The following ADAMTSL3 variants were observed in gnomAD, a reference collection of about 807,000 sequenced individuals.
ADAMTSL3 encodes the protein ADAMTS like 3.
In ADAMTSL3, 128 loss-of-function variants were observed where a neutral mutation model predicts 201.7. The observed-to-expected ratio is 0.63, with a 90% CI of 0.55 to 0.73. The LOEUF (loss-of-function observed/expected upper bound fraction) is 0.73. Ranked by LOEUF, ADAMTSL3 falls within the 30% of genes least tolerant of loss-of-function variation. ADAMTSL3 has a pLI of 0.00. For missense variants in ADAMTSL3, 1,990 were observed against 2,119.6 expected, an observed-to-expected ratio of 0.94 and a Z score of 1.20; for synonymous variants, 738 against 748.4, an observed-to-expected ratio of 0.99 and a Z score of 0.23.
intron 3 of ADAMTSL3, among the ~76,000 whole-genome samples, chr15:83,730,220 C>A (rs1045066473): frequency 6.6e-6 from 1 of 152,058 alleles, no homozygotes; most frequent in African/African-American, 2.4e-5. Flanking sequence ...AAATTAAAAA[C>A]CTGATGCTTA....
intron 3 of ADAMTSL3, among the ~76,000 whole-genome samples, chr15:83,749,724 T>C (rs1392289279): frequency 6.6e-6 from 1 of 152,146 alleles, no homozygotes; most frequent in Non-Finnish European, 1.5e-5. Context: ...TGAATAGTAG[T>C]GGCAGGAGGT....
intron 3 of ADAMTSL3, chr15:83,739,851 T>A: frequency 1.7e-6 from 1 of 601,794 alleles, no homozygotes; most frequent in Admixed American, 1.9e-5. Flanking sequence ...TGCTGGGAGT[T>A]CTACTGCCTG....
intron 19 of ADAMTSL3, among the ~76,000 whole-genome samples, chr15:83,965,962 A>G (rs538101568): frequency 3.9e-5 from 6 of 152,342 alleles, no homozygotes; most frequent in Admixed American, 3.9e-4. Context: ...TAAGGCAGAA[A>G]TAAATACGTT....
At position 83,913,194 on chromosome 15, in the gene ADAMTSL3, G is replaced by C; in HGVS notation, c.1803G>C (p.Glu601Asp). 1.2e-6 allele frequency: 2 copies of C among 1,614,188 alleles called. No homozygotes were observed. The highest frequency in any genetic ancestry group is 2.2e-5 in the South Asian group (2 of 91,076). The change falls in exon 16 of 30, where the codon GAG becomes GAC. Residue 601 changes from glutamate (E) to aspartate (D), a missense_variant. Transcript: ENST00000286744. Reference protein sequence around the residue: ...CRVLLTFTQTETELPEEECEG... With the variant: ...CRVLLTFTQTDTELPEEECEG... The stretch of plus-strand genomic sequence containing the variant: ...TGCTCCTCACATTCACGCAGACTGA[G>C]ACTGAGCTGCCCGAGGAAGAGTGTG...
At chr15:83,719,075 C>T (rs1789734847) in intron 3 of ADAMTSL3, among the ~76,000 whole-genome samples, 1 of 152,124 alleles carries the variant, frequency 6.6e-6, no homozygotes, top group African/African-American at 2.4e-5. Context: ...AAAAGGGAGA[C>T]AGCCAAACAG....
intron 3 of ADAMTSL3, among the ~76,000 whole-genome samples, chr15:83,753,686 G>A (rs767105651): frequency 1.3e-4 from 19 of 151,824 alleles, no homozygotes; most frequent in Non-Finnish European, 1.9e-4. Context: ...GGAAAGAGAA[G>A]CCTACTGTAG....
Position 83,983,230 on chromosome 15 carries a change from C to T in ADAMTSL3, c.3602C>T (p.Thr1201Ile), listed in dbSNP as rs774007220. Residue 1201 changes from threonine to isoleucine, a missense_variant, in exon 21 of 30, where the codon ACA becomes ATA. By Grantham distance (89) the Thr-to-Ile change is moderately conservative (BLOSUM62 -1). Transcript: ENST00000286744. The part of the protein sequence containing the change: ...NKTINSRIGN[T>I]VYITKRTEVI... ...ACAATAAATTCCAGGATTGGAAATA[C>T]AGTATACATTACAAAAAGGACAGAG... 2 of 1,613,938 alleles carry T rather than the reference C, an allele frequency of 1.2e-6. No homozygotes were observed. Among genetic ancestry groups the T allele is most frequent in the African/African-American group, 1.3e-5 (1 of 75,024 alleles).
At chr15:83,821,698 C>T (rs964282112) in intron 6 of ADAMTSL3, among the ~76,000 whole-genome samples, 31 of 152,210 alleles carry the variant, frequency 2.0e-4, no homozygotes, top group Admixed American at 5.9e-4. Flanking sequence ...CACCTTTCCC[C>T]ACTTTCTATT....
At chr15:83,721,940 C>T (rs2062107161) in intron 3 of ADAMTSL3, among the ~76,000 whole-genome samples, 1 of 152,094 alleles carries the variant, frequency 6.6e-6, no homozygotes, top group South Asian at 2.1e-4. Context: ...ACCATGTTGG[C>T]CAGGCTGGTC....
chr15:83,756,642 G>T (rs1329790038), intron 3 of ADAMTSL3, among the ~76,000 whole-genome samples: 3 of 139,614 alleles, frequency 2.1e-5, no homozygotes, highest in African/African-American at 8.0e-5. Context: ...AAAATCAATC[G>T]TGCCTTCCCA....
chr15:83,788,373 G>C (rs1025057343), intron 4 of ADAMTSL3, among the ~76,000 whole-genome samples: 3 of 152,116 alleles, frequency 2.0e-5, no homozygotes, highest in African/African-American at 7.2e-5. Context: ...TAGATCTCCT[G>C]TTTCCTAATC....
chr15:83,735,115 A>G (rs1320633677), intron 3 of ADAMTSL3, among the ~76,000 whole-genome samples: 1 of 152,222 alleles, frequency 6.6e-6, no homozygotes, highest in East Asian at 1.9e-4. Flanking sequence ...ACTATTAAAC[A>G]AAGCAGTCTA....
intron 8 of ADAMTSL3, among the ~76,000 whole-genome samples, chr15:83,866,118 G>A (rs953232931): frequency 2.0e-5 from 3 of 152,214 alleles, no homozygotes; most frequent in African/African-American, 7.2e-5. Context: ...AACAGGTGCT[G>A]GAGAGCATGT....
intron 4 of ADAMTSL3, among the ~76,000 whole-genome samples, chr15:83,776,758 A>G (rs2063081635): frequency 1.3e-5 from 2 of 152,232 alleles, no homozygotes; most frequent in Admixed American, 1.3e-4. Flanking sequence ...TAAAATGGTC[A>G]GGGAAGCCCT....
chr15:83,813,537 G>A (rs2063728912), intron 5 of ADAMTSL3, among the ~76,000 whole-genome samples: 1 of 152,148 alleles, frequency 6.6e-6, no homozygotes, highest in Non-Finnish European at 1.5e-5. Context: ...CTCCTGGTGT[G>A]CAGGAGATCA....
chr15:83,973,938 A>G (rs957290663), intron 20 of ADAMTSL3, among the ~76,000 whole-genome samples: 2 of 152,134 alleles, frequency 1.3e-5, no homozygotes, highest in African/African-American at 4.8e-5. Context: ...TTGGAGGGGT[A>G]ATTTTTCTTG....
intron 23 of ADAMTSL3, among the ~76,000 whole-genome samples, chr15:84,010,537 A>G (rs868126354): frequency 8.5e-5 from 13 of 152,214 alleles, no homozygotes; most frequent in Admixed American, 6.5e-5. Context: ...TGCCAGGCCT[A>G]TACTCATGAT....
intron 8 of ADAMTSL3, among the ~76,000 whole-genome samples, chr15:83,864,607 C>T (rs1201677577): frequency 5.3e-5 from 8 of 152,148 alleles, no homozygotes; most frequent in South Asian, 2.1e-4. Flanking sequence ...ATTGATGGAA[C>T]GTATCTCAAA....
chr15:84,028,543 C>T lies in ADAMTSL3; in HGVS notation c.4657-2792C>T, dbSNP rs530388785. On this transcript the variant is annotated intron_variant, in intron 27 of 29. Coordinates refer to ENST00000286744, the MANE Select transcript of ADAMTSL3 (RefSeq NM_207517.3). The stretch of plus-strand genomic sequence containing the variant: ...AATTTTTTTCCTGTAATTGAACCCA[C>T]CTTAGCACACAAGTCTTCATTTTTG... Among the ~76,000 whole-genome samples, 506 of 152,218 alleles carry T rather than the reference C, an allele frequency of 3.3e-3. 2 individuals are homozygous for T. Among genetic ancestry groups the T allele is most frequent in the Non-Finnish European group, 3.7e-3 (250 of 68,010 alleles).
Sources: allele counts gnomAD v4.1 joint callset (sites outside exome capture counted in the v4.1 genomes callset), GRCh38; gene constraint gnomAD v4.1.1; transcripts MANE v1.5; gene names NCBI Gene and HGNC (gene_info 2026-07-23, HGNC 2026-07-21).